The following CACNA1H variants were observed in gnomAD, a reference collection of about 807,000 sequenced individuals.
CACNA1H encodes voltage-dependent T-type calcium channel subunit alpha-1H.
In CACNA1H, 149 loss-of-function variants were observed where a neutral mutation model predicts 192.5. That is an observed-to-expected ratio of 0.77 (90% CI 0.68 to 0.89). The LOEUF is 0.89. Among genes scored for constraint, CACNA1H ranks in the 40% least tolerant of loss-of-function variants. The pLI, the probability that CACNA1H is intolerant of heterozygous loss-of-function variation, is 0.00. For synonymous variants in CACNA1H, 2,202 were observed against 1,475.2 expected (o/e 1.49, Z -11.29); for missense variants, 4,257 against 3,423.5 (o/e 1.24, Z -6.08).
intron 3 of CACNA1H, 129 bp downstream of exon 3, chr16:1,195,212 G>A: frequency 1.1e-6 from 1 of 899,838 alleles, no homozygotes; most frequent in Non-Finnish European, 1.7e-6. Flanking sequence ...CGGGGATCAG[G>A]GCGAGGTTCA....
chr16:1,202,693 A>G (rs1968119851), intron 9 of CACNA1H, among the ~76,000 whole-genome samples: 1 of 151,910 alleles, frequency 6.6e-6, no homozygotes, highest in African/African-American at 2.4e-5. Flanking sequence ...GTAGCCGCGG[A>G]GGTGGGATTT....
At chr16:1,165,733 A>G (rs943615698) in intron 2 of CACNA1H, among the ~76,000 whole-genome samples, 3 of 152,174 alleles carry the variant, frequency 2.0e-5, no homozygotes, top group Admixed American at 6.5e-5. Context: ...ACCCCGGCTC[A>G]CAGTGCGGGT....
intron 2 of CACNA1H, among the ~76,000 whole-genome samples, chr16:1,190,671 C>A (rs183297811): frequency 1.1e-4 from 17 of 152,368 alleles, no homozygotes; most frequent in African/African-American, 3.8e-4. Context: ...CCTGCTATAC[C>A]ACCGTCCCCT....
At chr16:1,170,344 C>T (rs1964241552) in intron 2 of CACNA1H, among the ~76,000 whole-genome samples, 1 of 152,218 alleles carries the variant, frequency 6.6e-6, no homozygotes, top group Non-Finnish European at 1.5e-5. Flanking sequence ...CAGCAGGGCT[C>T]CCTGGGACGG....
Position 1,167,290 on chromosome 16 carries a change from C to A in CACNA1H, c.299+13254C>A, listed in dbSNP as rs146830998. On this transcript the variant is annotated intron_variant, in intron 2 of 34. Coordinates refer to ENST00000348261, the MANE Select transcript of CACNA1H (RefSeq NM_021098.3). This position sits in a 1 kb window ranked among gnomAD's most constrained non-coding sequence, Gnocchi z 4.2. The stretch of plus-strand genomic sequence containing the variant: ...CGGTGGGTGGGGCTTGCCGGCCGCC[C>A]GCGAATGTCAGGAACCTTGGATTCC... Among the ~76,000 whole-genome samples, 108 of 152,206 alleles carry A rather than the reference C, an allele frequency of 7.1e-4. No individual in the cohort carries two copies. Among genetic ancestry groups the A allele is most frequent in the African/African-American group, 2.5e-3 (102 of 41,516 alleles).
rs1968401865 is a variant in CACNA1H, at chr16:1,204,442, T to C, written c.2435T>C (p.Val812Ala). Residue 812 changes from valine to alanine, a missense_variant, in exon 10 of 35, where the codon GTG (valine) becomes GCG (alanine). By Grantham distance (64) the Val-to-Ala change is moderately conservative. Transcript: ENST00000348261. Reference protein sequence around the residue: ...AILVNTLSMGVEYHEQPEELT... With the variant: ...AILVNTLSMGAEYHEQPEELT... ...CTTGTCAACACGCTGAGCATGGGCG[T>C]GGAGTACCATGAGCAGGTGCGGGCT... 1.3e-6 allele frequency: 2 copies of C among 1,538,966 alleles called. No homozygotes were observed. Among genetic ancestry groups the C allele is most frequent in the African/African-American group, 1.4e-5 (1 of 72,924 alleles).
At chr16:1,199,224 CCCATCATGGCTCCG>C in intron 6 of CACNA1H, among the ~76,000 whole-genome samples, 1 of 65,256 alleles carries the variant, frequency 1.5e-5, no homozygotes. Flanking sequence ...ATGCCCCACC[CCCATCATGGCTCCG>C]CCCACCGTGC....
chr16:1,166,428 C>T (rs367546889), intron 2 of CACNA1H, among the ~76,000 whole-genome samples: 18 of 152,348 alleles, frequency 1.2e-4, no homozygotes, highest in South Asian at 1.0e-3. Context: ...CTGGCCAGCC[C>T]GGCACCAACT....
At chr16:1,219,155 C>A in intron 34 of CACNA1H, 25 bp downstream of exon 34, 1 of 1,503,820 alleles carries the variant, frequency 6.6e-7, no homozygotes, top group Non-Finnish European at 8.9e-7. Flanking sequence ...TGGCCTGCAG[C>A]AGAGGCTGGC....
chr16:1,163,076 C>T (rs1343436196), intron 2 of CACNA1H, among the ~76,000 whole-genome samples: 1 of 152,256 alleles, frequency 6.6e-6, no homozygotes, highest in Non-Finnish European at 1.5e-5. Flanking sequence ...CCTCACTCGT[C>T]ACCCAGCCTC....
At position 1,211,297 on chromosome 16, in the gene CACNA1H, G is replaced by T; in HGVS notation, c.4350+3G>T. Reference sequence around the variant, plus strand: ...TTTTTGGCATTTTGGGTGTGCAGGTGTGTGGCCCCCACGTGCCCGGGGGTC... The same window carrying T: ...TTTTTGGCATTTTGGGTGTGCAGGTTTGTGGCCCCCACGTGCCCGGGGGTC... On this transcript the variant is annotated splice_donor_region_variant and intron_variant, in intron 22 of 34. Transcript: ENST00000348261. The T allele has an allele frequency of 6.8e-6, 11 of 1,612,908 alleles. No individual in the cohort carries two copies. Among genetic ancestry groups the T allele is most frequent in the Non-Finnish European group, 9.3e-6 (11 of 1,179,692 alleles).
rs765057432 is a variant in CACNA1H at position 1,220,969 on chromosome 16, G to T, written c.7037G>T (p.Gly2346Val). Reference sequence around the variant, plus strand: ...TCCCCCTCAGCCACCCCTGCCCCAGGGGGTGGTGCAGATGACCCCGTGTAG... The same window carrying T: ...TCCCCCTCAGCCACCCCTGCCCCAGTGGGTGGTGCAGATGACCCCGTGTAG... ...PGSPSATPAP[G>V]GGADDPV The change falls in exon 35 of 35, where the codon GGG becomes GTG. Residue 2346 changes from glycine (G) to valine (V), a missense_variant. Transcript: ENST00000348261. 1 of 1,601,140 alleles carries T rather than the reference G, an allele frequency of 6.2e-7. No homozygotes were observed. The highest frequency in any genetic ancestry group is 8.5e-7 in the Non-Finnish European group (1 of 1,174,050).
chr16:1,189,296 T>G (rs1966368865), intron 2 of CACNA1H, among the ~76,000 whole-genome samples: 2 of 151,046 alleles, frequency 1.3e-5, no homozygotes, highest in Admixed American at 1.3e-4. Context: ...GGAAGGGGGC[T>G]TAGCACCTGC....
rs754668207 is a variant in CACNA1H, at chr16:1,205,243, G to A, written c.2581G>A (p.Asp861Asn). ...CATCCGGAACCCGTACAACATCTTC[G>A]ACGGCATCATCGTGGTCATCAGGTG... ...GYIRNPYNIF[D>N]GIIVVISVWE... Residue 861 changes from aspartate to asparagine, a missense_variant, in exon 11 of 35, where the codon GAC (aspartate) becomes AAC (asparagine). By Grantham distance (23) the Asp-to-Asn change is conservative. Coordinates refer to ENST00000348261, the MANE Select transcript of CACNA1H (RefSeq NM_021098.3). 15 of 1,609,762 alleles carry A rather than the reference G, an allele frequency of 9.3e-6. No individual in the cohort carries two copies. Among genetic ancestry groups the A allele is most frequent in the African/African-American group, 2.7e-5 (2 of 74,974 alleles).
intron 2 of CACNA1H, among the ~76,000 whole-genome samples, chr16:1,177,954 C>T (rs1199100640): frequency 1.3e-5 from 2 of 151,712 alleles, no homozygotes; most frequent in African/African-American, 4.8e-5. Context: ...GCTGCGGGCA[C>T]CGCCCTTTCT....
chr16:1,186,509 C>G (rs924401235), intron 2 of CACNA1H, among the ~76,000 whole-genome samples: 8 of 152,086 alleles, frequency 5.3e-5, no homozygotes, highest in East Asian at 1.9e-4. Context: ...CTCGTCTTGT[C>G]CCTCTCCACG....
At chr16:1,177,743 C>T (rs1359531016) in intron 2 of CACNA1H, among the ~76,000 whole-genome samples, 1 of 151,726 alleles carries the variant, frequency 6.6e-6, no homozygotes, top group African/African-American at 2.4e-5. Flanking sequence ...TGGGTGCAGA[C>T]GCCTGCTTCT....
rs936610460 is a variant in CACNA1H, at chr16:1,221,716, C to T, written c.*722C>T. On this transcript the variant is annotated 3_prime_UTR_variant, in exon 35 of 35. Coordinates refer to ENST00000348261, the MANE Select transcript of CACNA1H (RefSeq NM_021098.3). ...TAATCTGATGCAGAAGACTCAGCTT[C>T]TCAAGGGAGAGGGAGGGGGCGGAGC... 3 of 1,403,814 alleles carry T rather than the reference C, an allele frequency of 2.1e-6. No individual in the cohort carries two copies. Among genetic ancestry groups the T allele is most frequent in the Admixed American group, 2.6e-5 (1 of 38,462 alleles). 87.0% of individuals were successfully genotyped at this position (1,403,814 alleles called of 1,614,324 possible).
chr16:1,200,875 T>C, intron 8 of CACNA1H, 67 bp downstream of exon 8: 1 of 1,273,792 alleles, frequency 7.9e-7, no homozygotes, highest in Non-Finnish European at 1.1e-6. Context: ...TGGGGTGGGG[T>C]ACCTGGGTGG....
Sources: allele counts gnomAD v4.1 joint callset (sites outside exome capture counted in the v4.1 genomes callset), GRCh38; gene constraint gnomAD v4.1.1; non-coding constraint Gnocchi (gnomAD v3.1); transcripts MANE v1.5; gene names NCBI Gene and HGNC (gene_info 2026-07-23, HGNC 2026-07-21).